MYO10: variants seen among roughly 807,000 people sequenced by gnomAD.
MYO10 encodes the protein unconventional myosin-X.
Under a neutral mutation model 257.3 loss-of-function variants are expected in MYO10, and 133 were observed. That is an observed-to-expected ratio of 0.52 (90% confidence interval 0.45 to 0.60). MYO10 has a LOEUF of 0.60. Ranked by LOEUF, MYO10 falls within the 20% of genes least tolerant of loss-of-function variation. The pLI is 0.00. For synonymous variants in MYO10, 1,104 were observed against 1,028.6 expected (o/e 1.07, Z -1.40); for missense variants, 2,399 against 2,635.7 (o/e 0.91, Z 1.97).
intron 19 of MYO10, among the ~76,000 whole-genome samples, chr5:16,719,185 C>A (rs1482393604): frequency 6.6e-6 from 1 of 152,122 alleles, no homozygotes. Flanking sequence ...ACGAGCCCAC[C>A]AGAAGGAAGA....
chr5:16,717,742 G>GC (rs1738933419), intron 19 of MYO10, among the ~76,000 whole-genome samples: 1 of 151,750 alleles, frequency 6.6e-6, no homozygotes, highest in Admixed American at 6.6e-5. Flanking sequence ...TGACCCACGG[G>GC]GATTTAACTC....
At chr5:16,823,953 C>A (rs779163778) in intron 2 of MYO10, among the ~76,000 whole-genome samples, 3 of 152,038 alleles carry the variant, frequency 2.0e-5, no homozygotes, top group Non-Finnish European at 4.4e-5. Context: ...GATTAACAGA[C>A]AAGAAATCCA....
chr5:16,706,841 A>G (rs528045938), intron 21 of MYO10, among the ~76,000 whole-genome samples: 1 of 152,362 alleles, frequency 6.6e-6, no homozygotes, highest in African/African-American at 2.4e-5. Flanking sequence ...CTAAAGGGCA[A>G]ACAAATAGAG....
intron 4 of MYO10, among the ~76,000 whole-genome samples, chr5:16,791,582 C>A (rs1443353302): frequency 2.2e-5 from 2 of 89,384 alleles, no homozygotes; most frequent in Non-Finnish European, 4.4e-5. Flanking sequence ...GCACAATGAT[C>A]TCATTTGATG....
chr5:16,752,274 A>C (rs1469658124), intron 19 of MYO10, among the ~76,000 whole-genome samples: 1 of 152,026 alleles, frequency 6.6e-6, no homozygotes, highest in Non-Finnish European at 1.5e-5. Context: ...AGCAACCGAG[A>C]CTTTATTTTT....
At chr5:16,714,647 G>C (rs895428473) in intron 19 of MYO10, among the ~76,000 whole-genome samples, 1 of 152,124 alleles carries the variant, frequency 6.6e-6, no homozygotes, top group Admixed American at 6.5e-5. Context: ...GTGAAACCCC[G>C]TCTCTACTAA....
intron 19 of MYO10, among the ~76,000 whole-genome samples, chr5:16,746,846 C>G (rs1348582085): frequency 3.3e-5 from 5 of 152,200 alleles, no homozygotes; most frequent in Non-Finnish European, 7.3e-5. Context: ...AATTTAGATT[C>G]TGTGAAACAT....
chr5:16,828,060 G>C (rs1012719022), intron 2 of MYO10, among the ~76,000 whole-genome samples: 1 of 152,128 alleles, frequency 6.6e-6, no homozygotes, highest in Non-Finnish European at 1.5e-5. Flanking sequence ...TACTGGCTAT[G>C]AGTCCCTGGG....
chr5:16,774,769 T>C (rs1449211610), intron 9 of MYO10, among the ~76,000 whole-genome samples: 1 of 152,168 alleles, frequency 6.6e-6, no homozygotes, highest in East Asian at 1.9e-4. Context: ...AAATACTTTA[T>C]AATATAAAAT....
At chr5:16,848,151 A>ATTTCTTTTTTTTTTT (rs1554002442) in intron 2 of MYO10, among the ~76,000 whole-genome samples, 87 of 91,656 alleles carry the variant, frequency 9.5e-4, no homozygotes, top group African/African-American at 3.7e-3. Context: ...AGAACTACAC[A>ATTTCTTTTTTTTTTT]TTTCTTTTTT....
chr5:16,757,313 C>CACACACAA lies in MYO10; in HGVS notation c.1848+804_1848+805insTTGTGTGT, dbSNP rs1367056781. Reference sequence around the variant, plus strand: ...TCACACACACACAAACACACACACACACGCACACACACACACACACACACA... The same window carrying CACACACAA: ...TCACACACACACAAACACACACACACACACACAAACGCACACACACACACACACACACA... On this transcript the variant is annotated intron_variant, in intron 18 of 40. Transcript: ENST00000513610. 1.1e-3 allele frequency among the ~76,000 whole-genome samples: 54 copies of CACACACAA among 47,622 alleles called. 1 individual carries two copies. The highest frequency in any genetic ancestry group is 2.7e-3 in the African/African-American group (53 of 19,396). The allele number at this position is 47,622 out of a possible 152,430, so 31.2% of individuals were successfully genotyped here. A position where few individuals can be genotyped will look rare whatever the true frequency, so the allele number is the denominator to read the frequency against.
intron 2 of MYO10, among the ~76,000 whole-genome samples, chr5:16,859,884 C>G (rs1016648721): frequency 6.6e-6 from 1 of 152,154 alleles, no homozygotes; most frequent in Non-Finnish European, 1.5e-5. Flanking sequence ...CAGGGCCGTG[C>G]CCTTCCTTCA....
chr5:16,742,803 C>T (rs1740058839), intron 19 of MYO10, among the ~76,000 whole-genome samples: 1 of 143,678 alleles, frequency 7.0e-6, no homozygotes, highest in African/African-American at 2.8e-5. Flanking sequence ...CAGAGCAAGA[C>T]TCGGTCTCAA....
intron 2 of MYO10, among the ~76,000 whole-genome samples, chr5:16,840,566 ACTTATGACT>A (rs1390438117): frequency 6.6e-6 from 1 of 152,126 alleles, no homozygotes; most frequent in African/African-American, 2.4e-5. Context: ...TGGTCCTGGC[ACTTATGACT>A]CTTATGACTA....
intron 39 of MYO10, 95 bp downstream of exon 39, chr5:16,670,431 T>A: frequency 1.8e-6 from 2 of 1,135,272 alleles, no homozygotes; most frequent in Non-Finnish European, 1.2e-6. Context: ...AGCAAAATGC[T>A]CCATCTTGTC....
intron 9 of MYO10, among the ~76,000 whole-genome samples, chr5:16,778,337 T>C (rs1741285680): frequency 6.6e-6 from 1 of 152,266 alleles, no homozygotes; most frequent in Non-Finnish European, 1.5e-5. Context: ...ACAGGATGAC[T>C]AATGCTCACG....
At chr5:16,716,686 G>A (rs1738887953) in intron 19 of MYO10, among the ~76,000 whole-genome samples, 3 of 151,906 alleles carry the variant, frequency 2.0e-5, no homozygotes, top group Non-Finnish European at 4.4e-5. Context: ...GAAGAGCCCA[G>A]GAAGACGTGG....
chr5:16,934,179 CAGG>C (rs1399304419), intron 1 of MYO10, among the ~76,000 whole-genome samples: 1 of 152,224 alleles, frequency 6.6e-6, no homozygotes, highest in Non-Finnish European at 1.5e-5. Context: ...CACCGGGTAA[CAGG>C]AGATCAGGAC....
chr5:16,892,142 G>C (rs1182315592), intron 1 of MYO10, among the ~76,000 whole-genome samples: 1 of 152,104 alleles, frequency 6.6e-6, no homozygotes, highest in East Asian at 1.9e-4. Context: ...AGAGAGGCAG[G>C]GCTGCTGGAA....
Sources: gnomAD v4.1 joint callset for allele counts (sites outside exome capture counted in the v4.1 genomes callset) on GRCh38, gnomAD v4.1.1 for gene constraint, MANE v1.5 for transcripts, NCBI Gene and HGNC (gene_info 2026-07-23, HGNC 2026-07-21) for gene names.